Variants in ZBBX observed in about 807,000 individuals in gnomAD.
ZBBX encodes the protein zinc finger B-box domain-containing protein 1.
ZBBX carries 101 observed loss-of-function variants against 108.5 expected under a neutral mutation model. The ratio of observed to expected loss-of-function variants is 0.93; its 90% confidence interval spans 0.79 to 1.10. The LOEUF is 1.10. Ranked by LOEUF, ZBBX falls within the 50% of genes least tolerant of loss-of-function variation. ZBBX has a pLI of 0.00. For missense variants in ZBBX, 1,009 were observed against 941.4 expected, an observed-to-expected ratio of 1.07 and a Z score of -0.94; for synonymous variants, 356 against 323.4, an observed-to-expected ratio of 1.10 and a Z score of -1.08.
chr3:167,275,404 G>T (rs949372673), intron 20 of ZBBX, among the ~76,000 whole-genome samples: 1 of 152,076 alleles, frequency 6.6e-6, no homozygotes, highest in Non-Finnish European at 1.5e-5. Context: ...GACAGTGGGC[G>T]CAGGTCAGTG....
At chr3:167,225,614 C>T in the ZBBX span, among the ~76,000 whole-genome samples, 7,785 of 151,830 alleles carry the variant, frequency 0.051, 548 homozygotes, top group African/African-American at 0.16. Context: ...ACTGATTTGA[C>T]TATCGGGGGC....
chr3:167,303,546 T>C (rs1248791363), intron 17 of ZBBX, among the ~76,000 whole-genome samples: 2 of 152,200 alleles, frequency 1.3e-5, no homozygotes, highest in African/African-American at 2.4e-5. Flanking sequence ...TTTTTAAGTA[T>C]ATCATTCAGA....
At chr3:167,371,737 C>T (rs1746185473) in intron 4 of ZBBX, among the ~76,000 whole-genome samples, 1 of 152,142 alleles carries the variant, frequency 6.6e-6, no homozygotes, top group African/African-American at 2.4e-5. Flanking sequence ...TAGCTCCCCT[C>T]CCCACCAAAT....
Position 167,317,120 on chromosome 3 carries a change from T to G in ZBBX, c.1094-15A>C. 4 of 1,462,378 alleles carry G rather than the reference T, an allele frequency of 2.7e-6. No individual in the cohort carries two copies. Among genetic ancestry groups the G allele is most frequent in the South Asian group, 2.4e-5 (2 of 84,884 alleles). The allele number at this position is 1,462,378 out of a possible 1,614,324, so 90.6% of individuals were successfully genotyped here. On this transcript the variant is annotated splice_polypyrimidine_tract_variant and intron_variant, in intron 13 of 21. Transcript: ENST00000675490. The stretch of plus-strand genomic sequence containing the variant: ...GGTCTCCTCACCTAGGAAATAAGAT[T>G]CACAAATAATATCATCAAAGAATAT...
the ZBBX span, among the ~76,000 whole-genome samples, chr3:167,179,072 G>C: frequency 1.3e-5 from 2 of 152,090 alleles, no homozygotes; most frequent in Non-Finnish European, 1.5e-5. Context: ...GCCCATCACC[G>C]AGAAACACTG....
chr3:167,226,210 A>G, the ZBBX span, among the ~76,000 whole-genome samples: 1 of 151,838 alleles, frequency 6.6e-6, no homozygotes, highest in Non-Finnish European at 1.5e-5. Context: ...TAAATCTCCA[A>G]TGTGTGATTC....
At position 167,359,863 on chromosome 3, in the gene ZBBX, T is replaced by C; in HGVS notation, c.432+7A>G. 1.4e-6 allele frequency: 2 copies of C among 1,394,316 alleles called. No individual in the cohort carries two copies. The highest frequency in any genetic ancestry group is 1.3e-5 in the South Asian group (1 of 74,472). 86.4% of individuals were successfully genotyped at this position (1,394,316 alleles called of 1,614,324 possible). A position where few individuals can be genotyped will look rare whatever the true frequency, so the allele number is the denominator to read the frequency against. On this transcript the variant is annotated splice_region_variant and intron_variant, in intron 8 of 21. Transcript: ENST00000675490. ...GTATATGTATATATACTATATAACGTACATACCAGTAGAGCAGCTTTGTTC... is the reference window on the plus strand; with the variant it reads ...GTATATGTATATATACTATATAACGCACATACCAGTAGAGCAGCTTTGTTC...
rs747659569 is a variant in ZBBX, at chr3:167,344,751, G to C, written c.528+5669C>G. 4.0e-5 allele frequency among the ~76,000 whole-genome samples: 6 copies of C among 151,736 alleles called. No homozygotes were observed. In the South Asian group the frequency reaches 6.2e-4, roughly 16 times the overall value. On this transcript the variant is annotated intron_variant, in intron 9 of 21. Transcript: ENST00000675490. Reference sequence around the variant, plus strand: ...CCAATCCCCACCTCATAGCTCCAGAGCTAGTTCCATAGTGGAATGTTTCAG... The same window carrying C: ...CCAATCCCCACCTCATAGCTCCAGACCTAGTTCCATAGTGGAATGTTTCAG...
rs544216051 is a variant in ZBBX, at chr3:167,397,023, T to C, written c.-446+10703A>G. Among the ~76,000 whole-genome samples the C allele has an allele frequency of 2.1e-4, 32 of 151,444 alleles. 1 individual carries two copies. Among genetic ancestry groups the C allele is most frequent in the Non-Finnish European group, 3.7e-4 (25 of 67,814 alleles). ...TCTGACATGGAAAGGATGGCATTGC[T>C]CATTTTTTTCCCTTTTTTAAATTGA... On this transcript the variant is annotated intron_variant, in intron 1 of 21. Transcript: ENST00000455345.
chr3:167,378,986 G>A (rs1049665303), intron 2 of ZBBX, among the ~76,000 whole-genome samples: 1 of 152,056 alleles, frequency 6.6e-6, no homozygotes, highest in Non-Finnish European at 1.5e-5. Flanking sequence ...ATTTGAGAGT[G>A]GTCCTACCAT....
chr3:167,202,490 ATTAGAT>A, the ZBBX span, among the ~76,000 whole-genome samples: 6 of 135,470 alleles, frequency 4.4e-5, no homozygotes, highest in South Asian at 2.4e-4. Context: ...AAGCAAAGCT[ATTAGAT>A]TTAAAGAATC....
At chr3:167,251,894 G>A (rs946507769) in intron 20 of ZBBX, among the ~76,000 whole-genome samples, 2 of 148,174 alleles carry the variant, frequency 1.3e-5, no homozygotes, top group African/African-American at 5.1e-5. Context: ...TCTGTCTCTT[G>A]TCTCTCGATT....
intron 17 of ZBBX, among the ~76,000 whole-genome samples, chr3:167,303,752 A>G (rs887737337): frequency 2.6e-5 from 4 of 152,224 alleles, no homozygotes; most frequent in African/African-American, 9.6e-5. Context: ...TGAGAATTTA[A>G]TGTCAATCTA....
the ZBBX span, among the ~76,000 whole-genome samples, chr3:167,180,178 T>C: frequency 6.6e-6 from 1 of 152,204 alleles, no homozygotes; most frequent in African/African-American, 2.4e-5. Flanking sequence ...ATCTATTCTA[T>C]TTATTTGAGC....
At chr3:167,262,458 G>A (rs1034283860) in intron 20 of ZBBX, among the ~76,000 whole-genome samples, 1 of 152,204 alleles carries the variant, frequency 6.6e-6, no homozygotes, top group African/African-American at 2.4e-5. Flanking sequence ...TTCTTTAAAT[G>A]TTTAGTAGAA....
intron 16 of ZBBX, among the ~76,000 whole-genome samples, chr3:167,307,272 G>T (rs1412085980): frequency 6.6e-6 from 1 of 152,086 alleles, no homozygotes; most frequent in Non-Finnish European, 1.5e-5. Flanking sequence ...GTCCTAGCAA[G>T]GGCAACCAGG....
chr3:167,210,322 G>A, the ZBBX span, among the ~76,000 whole-genome samples: 1 of 151,902 alleles, frequency 6.6e-6, no homozygotes, highest in East Asian at 1.9e-4. Flanking sequence ...AAAAAATAGT[G>A]AACTTGAAAA....
chr3:167,372,831 C>G lies in ZBBX; in HGVS notation c.68+3G>C. 6.9e-7 allele frequency: 1 copy of G among 1,442,466 alleles called. No individual in the cohort carries two copies. Among genetic ancestry groups the G allele is most frequent in the Non-Finnish European group, 9.7e-7 (1 of 1,033,948 alleles). The allele number at this position is 1,442,466 out of a possible 1,614,324, so 89.4% of individuals were successfully genotyped here. On this transcript the variant is annotated splice_donor_region_variant and intron_variant, in intron 4 of 21. Transcript: ENST00000675490. ...ATTAAGAAATAAATATATATGAACTCACCTATATTTTAGCTTTACAGAATT... is the reference window on the plus strand; with the variant it reads ...ATTAAGAAATAAATATATATGAACTGACCTATATTTTAGCTTTACAGAATT...
intron 15 of ZBBX, 78 bp downstream of exon 15, chr3:167,315,672 T>G: frequency 9.5e-7 from 1 of 1,051,986 alleles, no homozygotes; most frequent in Non-Finnish European, 1.4e-6. Context: ...ATATTTCACA[T>G]TTAAAAAGAC....
Sources: gnomAD v4.1 joint callset for allele counts (sites outside exome capture counted in the v4.1 genomes callset) on GRCh38, gnomAD v4.1.1 for gene constraint, MANE v1.5 for transcripts, NCBI Gene and HGNC (gene_info 2026-07-23, HGNC 2026-07-21) for gene names.